Variants in ZNF277 observed in about 807,000 individuals in gnomAD.
The protein encoded by ZNF277 is nuclear receptor-interacting factor 4.
Under a neutral mutation model 60.7 loss-of-function variants are expected in ZNF277, and 55 were observed. The observed-to-expected ratio is 0.91, with a 90% CI of 0.73 to 1.13. ZNF277 has a LOEUF of 1.13. Ranked by LOEUF, ZNF277 falls within the 50% of genes most tolerant of loss-of-function variation. The pLI, the probability that ZNF277 is intolerant of heterozygous loss-of-function variation, is 0.00. For synonymous variants in ZNF277, 178 were observed against 179.3 expected, an observed-to-expected ratio of 0.99 and a Z score of 0.06; for missense variants, 510 against 523.0, an observed-to-expected ratio of 0.98 and a Z score of 0.24.
At chr7:112,313,933 T>C (rs1043766631) in intron 4 of ZNF277, among the ~76,000 whole-genome samples, 1 of 152,158 alleles carries the variant, frequency 6.6e-6, no homozygotes, top group African/African-American at 2.4e-5. Context: ...GTAGTCATCA[T>C]GTATTTATTG....
At chr7:112,287,166 G>A (rs1792088294) in intron 2 of ZNF277, 92 bp downstream of exon 2, 9 of 1,349,580 alleles carry the variant, frequency 6.7e-6, no homozygotes, top group Non-Finnish European at 8.3e-6. Context: ...GCCAAAGTGG[G>A]AGGATCACCC....
intron 4 of ZNF277, among the ~76,000 whole-genome samples, chr7:112,316,678 G>A (rs1490607216): frequency 6.6e-6 from 1 of 151,930 alleles, no homozygotes; most frequent in African/African-American, 2.4e-5. Context: ...TTTCTTCTAG[G>A]GTTTTTATGC....
chr7:112,249,948 C>T lies in ZNF277; in HGVS notation c.92-36925C>T, dbSNP rs901281988. Among the ~76,000 whole-genome samples the T allele has an allele frequency of 5.9e-5, 9 of 152,062 alleles. 1 individual carries two copies. The highest frequency in any genetic ancestry group is 6.8e-3 in the Middle Eastern group (2 of 294). The stretch of plus-strand genomic sequence containing the variant: ...GTTTGAGCAATATGAAATGTGGGCT[C>T]CTTAAAAAAAGAACAGGATAACAGC... On this transcript the variant is annotated intron_variant, in intron 1 of 11. Coordinates refer to ENST00000361822, the MANE Select transcript of ZNF277 (RefSeq NM_021994.3).
chr7:112,234,210 A>G (rs1822421324), intron 1 of ZNF277, among the ~76,000 whole-genome samples: 3 of 152,208 alleles, frequency 2.0e-5, no homozygotes, highest in African/African-American at 4.8e-5. Flanking sequence ...GGGTTAAATT[A>G]TATGTGCCTT....
chr7:112,274,637 A>G (rs1176138286), intron 1 of ZNF277, among the ~76,000 whole-genome samples: 3 of 152,226 alleles, frequency 2.0e-5, no homozygotes, highest in African/African-American at 4.8e-5. Flanking sequence ...TAACTCAGAA[A>G]TTTATGATTC....
chr7:112,321,726 A>G (rs1367234789), intron 5 of ZNF277, among the ~76,000 whole-genome samples: 1 of 151,412 alleles, frequency 6.6e-6, no homozygotes, highest in South Asian at 2.1e-4. Context: ...TTCTTCCATC[A>G]TTTTTTTGAG....
chr7:112,221,122 C>G (rs1822018448), intron 1 of ZNF277, among the ~76,000 whole-genome samples: 1 of 152,182 alleles, frequency 6.6e-6, no homozygotes, highest in Non-Finnish European at 1.5e-5. Context: ...GGCTCCTGAT[C>G]CAGCGAGGTG....
At chr7:112,235,740 T>C (rs1281348063) in intron 1 of ZNF277, among the ~76,000 whole-genome samples, 3 of 152,062 alleles carry the variant, frequency 2.0e-5, no homozygotes, top group African/African-American at 7.2e-5. Flanking sequence ...TCCTTTGAAG[T>C]ACAAAAGGTT....
intron 1 of ZNF277, among the ~76,000 whole-genome samples, chr7:112,267,128 C>T (rs570260583): frequency 8.5e-5 from 13 of 152,282 alleles, no homozygotes; most frequent in African/African-American, 2.4e-4. Flanking sequence ...GAAATGGCAG[C>T]TTGCAGTGAG....
intron 1 of ZNF277, among the ~76,000 whole-genome samples, chr7:112,246,198 A>C (rs1791081040): frequency 6.6e-6 from 1 of 152,048 alleles, no homozygotes; most frequent in Non-Finnish European, 1.5e-5. Context: ...AGCCCGGGCA[A>C]CATGGCAACA....
At chr7:112,257,288 G>A (rs1791336365) in intron 1 of ZNF277, among the ~76,000 whole-genome samples, 1 of 152,192 alleles carries the variant, frequency 6.6e-6, no homozygotes, top group South Asian at 2.1e-4. Flanking sequence ...GCAGGACACT[G>A]TGCTAGGTGG....
intron 1 of ZNF277, among the ~76,000 whole-genome samples, chr7:112,234,545 C>T (rs556162044): frequency 6.6e-6 from 1 of 152,182 alleles, no homozygotes; most frequent in African/African-American, 2.4e-5. Context: ...GATTATGTTT[C>T]TACATATGAA....
chr7:112,279,842 AG>A (rs1260986248), intron 1 of ZNF277, among the ~76,000 whole-genome samples: 103 of 152,330 alleles, frequency 6.8e-4, no homozygotes, highest in African/African-American at 2.4e-3. Context: ...ATCGTCATAA[AG>A]GTCTTTATCC....
intron 1 of ZNF277, among the ~76,000 whole-genome samples, chr7:112,281,283 T>A (rs1791938051): frequency 6.6e-6 from 1 of 152,160 alleles, no homozygotes. Flanking sequence ...CAGTATTTTT[T>A]AAAAAGCTCT....
chr7:112,318,362 C>T, intron 5 of ZNF277, 89 bp downstream of exon 5: 1 of 1,204,424 alleles, frequency 8.3e-7, no homozygotes. Flanking sequence ...AAATTAAGTT[C>T]TATGTGTTGG....
intron 1 of ZNF277, among the ~76,000 whole-genome samples, chr7:112,260,968 A>G (rs1306416481): frequency 2.0e-5 from 3 of 152,236 alleles, no homozygotes; most frequent in African/African-American, 7.2e-5. Context: ...TTCAAAGCCA[A>G]TCACAGAAAT....
chr7:112,207,922 A>G (rs1821601540), intron 1 of ZNF277, among the ~76,000 whole-genome samples: 1 of 152,118 alleles, frequency 6.6e-6, no homozygotes, highest in Admixed American at 6.5e-5. Context: ...TAGTCTCCTG[A>G]GTTAAATATT....
chr7:112,309,634 C>A (rs1584399093), intron 4 of ZNF277, among the ~76,000 whole-genome samples: 1 of 151,508 alleles, frequency 6.6e-6, no homozygotes, highest in East Asian at 1.9e-4. Context: ...TATTATATAC[C>A]CACAATGACT....
intron 1 of ZNF277, among the ~76,000 whole-genome samples, chr7:112,238,438 G>A (rs1790861033): frequency 1.3e-5 from 2 of 152,190 alleles, no homozygotes; most frequent in Admixed American, 6.5e-5. Flanking sequence ...CAAGGCTACA[G>A]TGCTTTGAGG....
Sources: gnomAD v4.1 joint callset for allele counts (sites outside exome capture counted in the v4.1 genomes callset) on GRCh38, gnomAD v4.1.1 for gene constraint, MANE v1.5 for transcripts, NCBI Gene and HGNC (gene_info 2026-07-23, HGNC 2026-07-21) for gene names.